Variants in ARHGAP44 observed in about 807,000 individuals in gnomAD.
The protein encoded by ARHGAP44 is Rho GTPase activating protein 44.
Under a neutral mutation model 106.8 loss-of-function variants are expected in ARHGAP44, and 43 were observed. The observed-to-expected ratio is 0.40, with a 90% CI of 0.32 to 0.52. ARHGAP44 has a LOEUF of 0.52. ARHGAP44 is among the 20% of genes least tolerant of loss of function. The probability of loss-of-function intolerance (pLI) is 0.48; values close to 1 mark genes in which losing one functional copy is unlikely to be tolerated. For synonymous variants in ARHGAP44, 439 were observed against 410.3 expected, an observed-to-expected ratio of 1.07 and a Z score of -0.85; for missense variants, 866 against 1,050.5, an observed-to-expected ratio of 0.82 and a Z score of 2.43.
rs372699498 is a variant in ARHGAP44, at chr17:12,903,326, GTC to G, written c.199-5569_199-5568del. Among the ~76,000 whole-genome samples the G allele has an allele frequency of 2.6e-5, 4 of 152,240 alleles. No homozygotes were observed. The South Asian group carries it at 6.2e-4, about 24-fold the overall frequency. The stretch of plus-strand genomic sequence containing the variant: ...TTGACTATATCGAAACTCTGGGACA[GTC>G]TGTCTTTCCTTCCCTTAATTCTCAA... On this transcript the variant is annotated intron_variant, in intron 3 of 20. Transcript: ENST00000379672.
chr17:12,880,273 G>A (rs576618420), intron 1 of ARHGAP44, among the ~76,000 whole-genome samples: 12 of 151,922 alleles, frequency 7.9e-5, no homozygotes, highest in Non-Finnish European at 1.3e-4. Context: ...GAACCTATAC[G>A]CAAATTTAGA....
intron 1 of ARHGAP44, among the ~76,000 whole-genome samples, chr17:12,864,505 C>T (rs755516633): frequency 3.9e-5 from 6 of 152,042 alleles, no homozygotes; most frequent in Non-Finnish European, 8.8e-5. Flanking sequence ...CACCTAACTC[C>T]GTCAACACCA....
intron 1 of ARHGAP44, among the ~76,000 whole-genome samples, chr17:12,835,647 A>G (rs1381058877): frequency 1.3e-5 from 2 of 152,238 alleles, no homozygotes; most frequent in Non-Finnish European, 2.9e-5. Context: ...AAAATTGTGA[A>G]AAACATATGA....
At chr17:12,911,876 G>T (rs9892894) in intron 4 of ARHGAP44, among the ~76,000 whole-genome samples, 21,788 of 152,208 alleles carry the variant, frequency 0.14, 2,423 homozygotes, top group East Asian at 0.38. Flanking sequence ...CAGGAAATTA[G>T]AAGAGGTTTC....
At chr17:12,814,531 G>A (rs1323525357) in intron 1 of ARHGAP44, among the ~76,000 whole-genome samples, 1 of 151,978 alleles carries the variant, frequency 6.6e-6, no homozygotes, top group African/African-American at 2.4e-5. Context: ...GTGAGCCACC[G>A]CATCTGGCCC....
intron 10 of ARHGAP44, 140 bp downstream of exon 10, chr17:12,944,336 T>C: frequency 9.3e-7 from 1 of 1,076,470 alleles, no homozygotes; most frequent in Non-Finnish European, 1.2e-6. Context: ...CTCAGACCCA[T>C]CTTCTGCAGA....
In ARHGAP44 at chr17:12,894,963, G is replaced by C; in HGVS notation, c.77G>C (p.Ser26Thr). ...AGGGCTGAAAAGACAGAAGTTTTGA[G>C]TGAAGACCTTCTTCAGGTAAGGCGG... ...VGRAEKTEVLSEDLLQVEKRL... is the reference protein window; with the variant it reads ...VGRAEKTEVLTEDLLQVEKRL... Residue 26 changes from serine to threonine, a missense_variant, in exon 2 of 21, where the codon AGT becomes ACT. Physicochemically the swap from Ser to Thr is moderately conservative, Grantham distance 58. Coordinates refer to ENST00000379672, the MANE Select transcript of ARHGAP44 (RefSeq NM_014859.6). 1.3e-6 allele frequency: 2 copies of C among 1,590,104 alleles called. No homozygotes were observed. The highest frequency in any genetic ancestry group is 2.3e-5 in the East Asian group (1 of 44,204).
intron 15 of ARHGAP44, among the ~76,000 whole-genome samples, chr17:12,957,158 A>C (rs1405687131): frequency 2.0e-5 from 3 of 152,006 alleles, no homozygotes; most frequent in Admixed American, 6.6e-5. Context: ...GGGTTTCTCC[A>C]TGTCGCTCAG....
intron 16 of ARHGAP44, among the ~76,000 whole-genome samples, chr17:12,965,980 T>C (rs953422192): frequency 2.6e-5 from 4 of 151,936 alleles, no homozygotes; most frequent in African/African-American, 9.7e-5. Context: ...CAGTGAGACA[T>C]CATCTATACA....
At chr17:12,922,278 A>G (rs1197243424) in intron 6 of ARHGAP44, among the ~76,000 whole-genome samples, 1 of 152,194 alleles carries the variant, frequency 6.6e-6, no homozygotes, top group Non-Finnish European at 1.5e-5. Flanking sequence ...TGGTTTTAAA[A>G]TTATTCTGAT....
rs1279080212 is a variant in ARHGAP44 at position 12,956,668 on chromosome 17, A to T, written c.1264A>T (p.Met422Leu). 1 of 1,614,066 alleles carries T rather than the reference A, an allele frequency of 6.2e-7. No individual in the cohort carries two copies. The highest frequency in any genetic ancestry group is 1.3e-5 in the African/African-American group (1 of 75,038). The part of the protein sequence containing the change: ...WPQAEGNITE[M>L]MTTVSLQIVG... ...CTCTGCTTACAGGAACATTACAGAGATGATGACCACAGTGTCGCTGCAAAT... is the reference window on the plus strand; with the variant it reads ...CTCTGCTTACAGGAACATTACAGAGTTGATGACCACAGTGTCGCTGCAAAT... Residue 422 changes from methionine (M) to leucine (L), a missense_variant, in exon 15 of 21, where the codon ATG (methionine) becomes TTG (leucine). By Grantham distance (15) the Met-to-Leu change is conservative. Transcript: ENST00000379672.
intron 1 of ARHGAP44, among the ~76,000 whole-genome samples, chr17:12,887,132 A>G (rs1176078270): frequency 6.6e-6 from 1 of 152,180 alleles, no homozygotes; most frequent in African/African-American, 2.4e-5. Context: ...TTATCCTTGG[A>G]ATAAATCCCA....
At chr17:12,989,429 C>CT (rs985163849) in intron 20 of ARHGAP44, among the ~76,000 whole-genome samples, 30 of 152,264 alleles carry the variant, frequency 2.0e-4, no homozygotes, top group African/African-American at 7.0e-4. Flanking sequence ...GAAAAATGAC[C>CT]TTTTAATGCT....
At chr17:12,870,953 T>C (rs907850273) in intron 1 of ARHGAP44, among the ~76,000 whole-genome samples, 2 of 152,290 alleles carry the variant, frequency 1.3e-5, no homozygotes, top group Admixed American at 1.3e-4. Context: ...CTTTGGTCAA[T>C]TTTTTTCTTT....
intron 19 of ARHGAP44, among the ~76,000 whole-genome samples, chr17:12,983,809 A>G (rs1164468100): frequency 1.3e-5 from 2 of 151,278 alleles, no homozygotes; most frequent in Non-Finnish European, 2.9e-5. Flanking sequence ...CGTCTCCAAA[A>G]GAAAAAAAAA....
intron 7 of ARHGAP44, among the ~76,000 whole-genome samples, chr17:12,936,936 G>A (rs1240686399): frequency 6.6e-6 from 1 of 152,132 alleles, no homozygotes. Flanking sequence ...TACTGTGTTT[G>A]TAATTTTTTG....
intron 1 of ARHGAP44, among the ~76,000 whole-genome samples, chr17:12,808,748 TGATTAA>T (rs2034352873): frequency 6.6e-6 from 1 of 152,218 alleles, no homozygotes; most frequent in Admixed American, 6.5e-5. Context: ...ATTGTCTTGG[TGATTAA>T]GATTTGGCTC....
intron 1 of ARHGAP44, among the ~76,000 whole-genome samples, chr17:12,863,754 T>A (rs1430434890): frequency 6.6e-6 from 1 of 152,190 alleles, no homozygotes; most frequent in Non-Finnish European, 1.5e-5. Context: ...TCTAATGCTC[T>A]CCAACATACC....
chr17:12,835,970 G>A (rs1314007372), intron 1 of ARHGAP44, among the ~76,000 whole-genome samples: 2 of 152,046 alleles, frequency 1.3e-5, no homozygotes, highest in African/African-American at 2.4e-5. Flanking sequence ...GTAGCATGTG[G>A]CAGGATTTCC....
Sources: gnomAD v4.1 joint callset for allele counts (sites outside exome capture counted in the v4.1 genomes callset) on GRCh38, gnomAD v4.1.1 for gene constraint, MANE v1.5 for transcripts, NCBI Gene and HGNC (gene_info 2026-07-23, HGNC 2026-07-21) for gene names.